Variants in CCDC7 observed in about 807,000 individuals in gnomAD.
The protein encoded by CCDC7 is coiled-coil domain containing 7.
CCDC7 carries 183 observed loss-of-function variants against 196.9 expected under a neutral mutation model. The observed-to-expected ratio is 0.93, with a 90% CI of 0.82 to 1.05. The LOEUF (loss-of-function observed/expected upper bound fraction) is 1.05. CCDC7 is among the 50% of genes least tolerant of loss of function. CCDC7 has a pLI of 0.00. For synonymous variants in CCDC7, 525 were observed against 484.6 expected (o/e 1.08, Z -1.10); for missense variants, 1,540 against 1,482.2 (o/e 1.04, Z -0.64).
chr10:32,518,622 G>A (rs3006708), intron 11 of CCDC7, 117 bp downstream of exon 12: 127,914 of 777,806 alleles, frequency 0.16, 11,165 homozygotes, highest in East Asian at 0.25. Context: ...TTAATAATTC[G>A]TAGCAGCTAT....
chr10:32,749,532 G>C (rs1688261017), intron 28 of CCDC7, among the ~76,000 whole-genome samples: 1 of 152,078 alleles, frequency 6.6e-6, no homozygotes, highest in Non-Finnish European at 1.5e-5. Flanking sequence ...GAGAACTATT[G>C]TCTTTATTTT....
At chr10:32,593,769 C>A (rs149564635) in intron 18 of CCDC7, among the ~76,000 whole-genome samples, 5,590 of 152,248 alleles carry the variant, frequency 0.037, 113 homozygotes, top group Non-Finnish European at 0.05. Context: ...CTACGTATGG[C>A]TAGCCAGTTT....
chr10:32,446,896 GCCTGCCTGCCTC>G (rs1341308071), upstream of CCDC7, among the ~76,000 whole-genome samples: 2 of 78,534 alleles, frequency 2.5e-5, no homozygotes, highest in East Asian at 6.9e-4. Context: ...CTGCCTGCCT[GCCTGCCTGCCTC>G]CCTCCCTCCC....
chr10:32,688,964 A>G, intron 22 of CCDC7, 89 bp from the exon 24 acceptor site: 1 of 776,274 alleles, frequency 1.3e-6, no homozygotes, highest in South Asian at 1.6e-5. Flanking sequence ...ATGAGAGAAA[A>G]TGCCACTGCA....
chr10:32,491,918 AT>A lies in CCDC7; in HGVS notation c.797-3del. 2.6e-6 allele frequency: 4 copies of A among 1,548,990 alleles called. No individual in the cohort carries two copies. The highest frequency in any genetic ancestry group is 3.5e-6 in the Non-Finnish European group (4 of 1,154,962). ...TTTAACATTTTTGACTTTTTAAATA[AT>A]AGAAACTGCTCATTCAATGACTAAT... On this transcript the variant is annotated splice_region_variant and splice_polypyrimidine_tract_variant and intron_variant, in intron 8 of 41. Transcript: ENST00000639629.
intron 9 of CCDC7, among the ~76,000 whole-genome samples, chr10:32,494,446 G>A (rs2042604409): frequency 6.6e-6 from 1 of 150,774 alleles, no homozygotes; most frequent in Non-Finnish European, 1.5e-5. Flanking sequence ...TACAGAATGT[G>A]CAGGTTTGTT....
At chr10:32,745,315 G>C (rs1465870325) in intron 28 of CCDC7, among the ~76,000 whole-genome samples, 3 of 152,178 alleles carry the variant, frequency 2.0e-5, no homozygotes, top group African/African-American at 7.2e-5. Flanking sequence ...AAGAATATCT[G>C]AGGATGGGTA....
At chr10:32,597,869 C>T (rs965626191) in intron 18 of CCDC7, among the ~76,000 whole-genome samples, 3 of 152,188 alleles carry the variant, frequency 2.0e-5, no homozygotes, top group Non-Finnish European at 4.4e-5. Flanking sequence ...CTGGAAGCTT[C>T]GTCTCAGAGG....
At chr10:32,580,433 A>G (rs1285164864) in intron 16 of CCDC7, among the ~76,000 whole-genome samples, 2 of 152,078 alleles carry the variant, frequency 1.3e-5, no homozygotes, top group Non-Finnish European at 2.9e-5. Context: ...GGAGCCTAAA[A>G]CTAGTCACTA....
At chr10:32,524,587 C>CT (rs777860191) in intron 11 of CCDC7, among the ~76,000 whole-genome samples, 3 of 152,128 alleles carry the variant, frequency 2.0e-5, no homozygotes, top group Non-Finnish European at 2.9e-5. Flanking sequence ...AATCCCTCAA[C>CT]TTTTGTTTAT....
chr10:32,497,989 G>A lies in CCDC7; in HGVS notation c.872+5992G>A, dbSNP rs571657579. On this transcript the variant is annotated intron_variant, in intron 9 of 41. Coordinates refer to ENST00000639629, the Ensembl canonical transcript of CCDC7. The stretch of plus-strand genomic sequence containing the variant: ...CGTTGATTTGTCTAATATTGACAGT[G>A]GGGTGTTAAAGTCTCCCACAATAAT... Among the ~76,000 whole-genome samples, 13 of 152,156 alleles carry A rather than the reference G, an allele frequency of 8.5e-5. No individual in the cohort carries two copies. In the South Asian group the frequency reaches 2.7e-3, roughly 32 times the overall value.
intron 39 of CCDC7, among the ~76,000 whole-genome samples, chr10:32,849,133 T>C (rs2093433906): frequency 6.6e-6 from 1 of 151,704 alleles, no homozygotes; most frequent in Admixed American, 6.6e-5. Flanking sequence ...TTTTCATTTA[T>C]ACCCATCCGA....
At chr10:32,678,565 C>A (rs1349561671) in intron 21 of CCDC7, among the ~76,000 whole-genome samples, 1 of 152,150 alleles carries the variant, frequency 6.6e-6, no homozygotes, top group Admixed American at 6.6e-5. Flanking sequence ...CACCCCTCTT[C>A]CTGCCTCTTT....
chr10:32,640,864 C>CTTTTTT lies in CCDC7; in HGVS notation c.2014+5712_2014+5717dup, dbSNP rs753769301. Among the ~76,000 whole-genome samples, 664 of 74,306 alleles carry CTTTTTT rather than the reference C, an allele frequency of 8.9e-3. 35 individuals are homozygous for CTTTTTT. The highest frequency in any genetic ancestry group is 0.024 in the South Asian group (41 of 1,738). 48.7% of individuals were successfully genotyped at this position (74,306 alleles called of 152,430 possible). A position where few individuals can be genotyped will look rare whatever the true frequency, so the allele number is the denominator to read the frequency against. ...CAGTCTCTTCTGGCTTGTAGATTTT[C>CTTTTTT]TTTTTTTTTTTCTTTTTTTTTTTAT... On this transcript the variant is annotated intron_variant, in intron 20 of 41. Coordinates refer to ENST00000639629, the Ensembl canonical transcript of CCDC7.
intron 9 of CCDC7, among the ~76,000 whole-genome samples, chr10:32,507,080 C>T (rs1177444600): frequency 7.9e-5 from 12 of 152,002 alleles, no homozygotes; most frequent in African/African-American, 2.9e-4. Context: ...GCAACTTCTG[C>T]CTCCCGGGTT....
At chr10:32,565,388 G>A (rs868840138) in intron 13 of CCDC7, among the ~76,000 whole-genome samples, 170 bp from the exon 15 acceptor site, 27 of 152,144 alleles carry the variant, frequency 1.8e-4, no homozygotes, top group African/African-American at 6.0e-4. Context: ...TCAATAGGAA[G>A]CTTTAGCTTC....
intron 13 of CCDC7, among the ~76,000 whole-genome samples, chr10:32,557,208 G>A (rs1047684652): frequency 6.6e-6 from 1 of 150,602 alleles, no homozygotes; most frequent in African/African-American, 2.4e-5. Context: ...CTGCTGAGAA[G>A]CAATTATTAA....
At chr10:32,515,723 G>A (rs1003239722) in intron 9 of CCDC7, among the ~76,000 whole-genome samples, 2 of 141,872 alleles carry the variant, frequency 1.4e-5, no homozygotes, top group African/African-American at 5.1e-5. Flanking sequence ...TTTTTTTTTT[G>A]TAGAGGCGGG....
At chr10:32,736,133 TA>T (rs375943689) in intron 28 of CCDC7, among the ~76,000 whole-genome samples, 36 of 152,204 alleles carry the variant, frequency 2.4e-4, no homozygotes, top group African/African-American at 8.4e-4. Context: ...TTGTGTTAAC[TA>T]TTCTGGGTCT....
Sources: allele counts gnomAD v4.1 joint callset (sites outside exome capture counted in the v4.1 genomes callset), GRCh38; gene constraint gnomAD v4.1.1; transcripts MANE v1.5; gene names NCBI Gene and HGNC (gene_info 2026-07-23, HGNC 2026-07-21).